The following POC1A variants were observed in gnomAD, a reference collection of about 807,000 sequenced individuals.
POC1A encodes POC1 centriolar protein homolog A.
Under a neutral mutation model 47.8 loss-of-function variants are expected in POC1A, and 34 were observed. The ratio of observed to expected loss-of-function variants is 0.71; its 90% CI spans 0.54 to 0.95. The LOEUF (loss-of-function observed/expected upper bound fraction) is 0.95. POC1A is among the 40% of genes least tolerant of loss of function. POC1A has a pLI of 0.00. For missense variants in POC1A, 466 were observed against 528.3 expected (o/e 0.88, Z 1.16); for synonymous variants, 177 against 207.6 (o/e 0.85, Z 1.27).
intron 7 of POC1A, among the ~76,000 whole-genome samples, chr3:52,128,074 T>C (rs1396409959): frequency 6.6e-6 from 1 of 152,078 alleles, no homozygotes; most frequent in Admixed American, 6.6e-5. Flanking sequence ...ACTTTCATTG[T>C]GAGGAAAAAC....
At chr3:52,144,958 AGAACTTTAAG>A (rs1698317275) in intron 6 of POC1A, among the ~76,000 whole-genome samples, 3 of 152,214 alleles carry the variant, frequency 2.0e-5, no homozygotes, top group Admixed American at 2.0e-4. Context: ...AGCGAGCCCA[AGAACTTTAAG>A]CTTAGTCCCA....
At position 52,149,808 on chromosome 3, in the gene POC1A, C is replaced by G; in HGVS notation, c.275+8G>C. The G allele has an allele frequency of 6.2e-7, 1 of 1,610,716 alleles. No homozygotes were observed. The highest frequency in any genetic ancestry group is 8.5e-7 in the Non-Finnish European group (1 of 1,178,280). On this transcript the variant is annotated splice_region_variant and intron_variant, in intron 3 of 10. Transcript: ENST00000296484. ...CTCCAACAAGCCTCCTCAAAGTGTA[C>G]GACTCACACATTGGGTACCCAGATG...
intron 9 of POC1A, among the ~76,000 whole-genome samples, chr3:52,102,479 CT>C (rs1703035258): frequency 6.6e-6 from 1 of 152,174 alleles, no homozygotes; most frequent in Admixed American, 6.5e-5. Flanking sequence ...TCTCCTTTCT[CT>C]GTGTGGCTCT....
chr3:52,116,432 T>C (rs1703566831), intron 9 of POC1A, among the ~76,000 whole-genome samples: 1 of 152,208 alleles, frequency 6.6e-6, no homozygotes, highest in South Asian at 2.1e-4. Flanking sequence ...GTTCAAGCAC[T>C]GAGGCTCTGG....
chr3:52,122,952 G>A (rs1187624909), intron 8 of POC1A, among the ~76,000 whole-genome samples: 1 of 152,224 alleles, frequency 6.6e-6, no homozygotes, highest in East Asian at 1.9e-4. Context: ...AGAAGTTCCT[G>A]CGGGCGGTGG....
chr3:52,121,996 G>A (rs1450200047), intron 9 of POC1A, among the ~76,000 whole-genome samples: 1 of 152,180 alleles, frequency 6.6e-6, no homozygotes, highest in Admixed American at 6.5e-5. Flanking sequence ...TGTCCCAGCT[G>A]TGGCTTCAGG....
chr3:52,127,735 G>A (rs187213553), intron 7 of POC1A, among the ~76,000 whole-genome samples: 7 of 148,870 alleles, frequency 4.7e-5, no homozygotes, highest in Non-Finnish European at 7.4e-5. Flanking sequence ...TGGCTCTATC[G>A]CCCAGGCTGG....
Position 52,138,451 on chromosome 3 carries a change from C to T in POC1A, c.680-149G>A, listed in dbSNP as rs1011269615. ...CATTGCTCAGAAGAGCTGTGGGGAA[C>T]CCAACAAGGATTTCCCAGGAGAGGG... is the stretch of plus-strand genomic sequence containing the variant. On this transcript the variant is annotated intron_variant, in intron 6 of 10. Transcript: ENST00000296484. The T allele has an allele frequency of 2.5e-5, 20 of 793,654 alleles. 1 individual carries two copies. The South Asian group carries it at 3.6e-4, about 14-fold the overall frequency. The allele number at this position is 793,654 out of a possible 1,614,324, so 49.2% of individuals were successfully genotyped here.
intron 9 of POC1A, among the ~76,000 whole-genome samples, chr3:52,120,363 G>C (rs1703733885): frequency 6.6e-6 from 1 of 152,156 alleles, no homozygotes; most frequent in Non-Finnish European, 1.5e-5. Context: ...GACACCACAT[G>C]GCATGTGTGT....
At chr3:52,082,706 G>T (rs1198857723) in intron 10 of POC1A, among the ~76,000 whole-genome samples, 1 of 152,124 alleles carries the variant, frequency 6.6e-6, no homozygotes, top group African/African-American at 2.4e-5. Flanking sequence ...GGTATAAAAA[G>T]AACTGATTTT....
At chr3:52,122,035 G>C (rs1321011820) in intron 9 of POC1A, among the ~76,000 whole-genome samples, 2 of 152,150 alleles carry the variant, frequency 1.3e-5, no homozygotes, top group African/African-American at 4.8e-5. Flanking sequence ...CCCCACGTTT[G>C]GGTCCTGTGA....
intron 9 of POC1A, among the ~76,000 whole-genome samples, chr3:52,099,646 T>C (rs1388504615): frequency 6.6e-6 from 1 of 151,078 alleles, no homozygotes; most frequent in East Asian, 1.9e-4. Flanking sequence ...AGGACAGGAG[T>C]TCAAGACAAG....
chr3:52,102,084 ACTCATCT>A (rs1421581303), intron 9 of POC1A, among the ~76,000 whole-genome samples: 3 of 151,884 alleles, frequency 2.0e-5, no homozygotes, highest in African/African-American at 7.3e-5. Flanking sequence ...TTTGAATATA[ACTCATCT>A]AGGATTTTGT....
chr3:52,130,123 C>T (rs370139969), intron 7 of POC1A, among the ~76,000 whole-genome samples: 8 of 152,216 alleles, frequency 5.3e-5, no homozygotes, highest in Middle Eastern at 3.2e-3. Context: ...TGCTGGCAAA[C>T]CCACCACCAC....
chr3:52,076,045 C>T (rs1702104694), intron 10 of POC1A, 60 bp from the exon 11 acceptor site: 4 of 1,329,436 alleles, frequency 3.0e-6, no homozygotes, highest in Non-Finnish European at 4.3e-6. Context: ...GCTCTAGGGA[C>T]CCCCTTGGCC....
At chr3:52,141,446 T>C (rs1338470552) in intron 6 of POC1A, among the ~76,000 whole-genome samples, 1 of 152,206 alleles carries the variant, frequency 6.6e-6, no homozygotes, top group Non-Finnish European at 1.5e-5. Context: ...GCAACTGATG[T>C]TACTAGTGAC....
At chr3:52,140,969 G>A (rs1418123118) in intron 6 of POC1A, among the ~76,000 whole-genome samples, 4 of 152,188 alleles carry the variant, frequency 2.6e-5, no homozygotes, top group Non-Finnish European at 5.9e-5. Context: ...GTCCAAAGCC[G>A]CAGGCCTCTT....
chr3:52,111,377 T>G (rs1703374283), intron 9 of POC1A, among the ~76,000 whole-genome samples: 1 of 152,076 alleles, frequency 6.6e-6, no homozygotes, highest in East Asian at 1.9e-4. Context: ...CCGGGCACGG[T>G]GGCTCATGCC....
chr3:52,106,763 C>T (rs753102984), intron 9 of POC1A, among the ~76,000 whole-genome samples: 3 of 152,212 alleles, frequency 2.0e-5, no homozygotes, highest in Non-Finnish European at 1.5e-5. Flanking sequence ...ATGCACAAAC[C>T]AAGACTCTGT....
Sources: gnomAD v4.1 joint callset for allele counts (sites outside exome capture counted in the v4.1 genomes callset) on GRCh38, gnomAD v4.1.1 for gene constraint, MANE v1.5 for transcripts, NCBI Gene and HGNC (gene_info 2026-07-23, HGNC 2026-07-21) for gene names.